The following ERCC5 variants were observed in gnomAD, a reference collection of about 807,000 sequenced individuals.
ERCC5 encodes DNA excision repair protein ERCC-5.
A neutral mutation model predicts 105.6 loss-of-function variants in ERCC5; 68 were observed. The observed-to-expected ratio is 0.64, with a 90% CI of 0.53 to 0.79. The LOEUF (loss-of-function observed/expected upper bound fraction) is 0.79. Ranked by LOEUF, ERCC5 falls within the 30% of genes least tolerant of loss-of-function variation. The pLI, the probability that ERCC5 is intolerant of heterozygous loss-of-function variation, is 0.00. For missense variants in ERCC5, 1,373 were observed against 1,426.7 expected, an observed-to-expected ratio of 0.96 and a Z score of 0.61; for synonymous variants, 546 against 526.2, an observed-to-expected ratio of 1.04 and a Z score of -0.51.
chr13:102,868,168 C>T lies in ERCC5; in HGVS notation c.2589C>T (p.Thr863=), dbSNP rs369464789. ...NLAYLLGSDY[T]EGIPTVGCVT... ...CTTATTTGCTTGGAAGTGATTATAC[C>T]GAAGGAATACCAACTGTGGGTTGTG... Residue 863 remains threonine, a synonymous_variant, in exon 12 of 15, where the codon ACC becomes ACT. Transcript: ENST00000652225. The T allele has an allele frequency of 7.5e-5, 121 of 1,614,024 alleles. No homozygotes were observed. The highest frequency in any genetic ancestry group is 9.3e-5 in the African/African-American group (7 of 74,982).
At chr13:102,854,011 C>T (rs1882303960) in intron 3 of ERCC5, 139 bp downstream of exon 3, 1 of 729,392 alleles carries the variant, frequency 1.4e-6, no homozygotes, top group Non-Finnish European at 2.1e-6. Flanking sequence ...AGTAGGCTGC[C>T]ATTTTGACCT....
chr13:102,851,769 T>C (rs1882214772), intron 1 of ERCC5, among the ~76,000 whole-genome samples: 1 of 152,244 alleles, frequency 6.6e-6, no homozygotes, highest in Non-Finnish European at 1.5e-5. Flanking sequence ...TTTTTTTCAC[T>C]ATGAATTGTC....
rs1319351243 is a variant in ERCC5 at position 102,862,232 on chromosome 13, G to A, written c.1083G>A (p.Leu361=). 1.2e-5 allele frequency: 19 copies of A among 1,614,044 alleles called. No individual in the cohort carries two copies. The highest frequency in any genetic ancestry group is 1.5e-5 in the Non-Finnish European group (18 of 1,180,062). ...TGGGAAGTAGCTCAGAAGAGGAGCT[G>A]GAGAGTGAAAATCGAAGGCAGGCCC... ...ALLGSSSEEE[L]ESENRRQARG... Residue 361 remains leucine, a synonymous_variant, in exon 8 of 15, where the codon CTG becomes CTA. Coordinates refer to ENST00000652225, the MANE Select transcript of ERCC5 (RefSeq NM_000123.4).
intron 7 of ERCC5, 72 bp downstream of exon 7, chr13:102,861,786 C>G: frequency 6.4e-7 from 1 of 1,550,530 alleles, no homozygotes. Flanking sequence ...ATTCTATAAA[C>G]TAGCACCCCT....
At chr13:102,850,298 C>G (rs1440948005) in intron 1 of ERCC5, among the ~76,000 whole-genome samples, 1 of 152,062 alleles carries the variant, frequency 6.6e-6, no homozygotes, top group African/African-American at 2.4e-5. Flanking sequence ...GACCCCTGGA[C>G]TGAGACCTTA....
intron 6 of ERCC5, among the ~76,000 whole-genome samples, chr13:102,859,245 C>T (rs1420390949): frequency 6.6e-6 from 1 of 152,252 alleles, no homozygotes; most frequent in Non-Finnish European, 1.5e-5. Flanking sequence ...AATTTTGCAG[C>T]ATCATCGACC....
intron 6 of ERCC5, among the ~76,000 whole-genome samples, chr13:102,859,961 A>T (rs1378049737): frequency 1.3e-5 from 2 of 152,348 alleles, no homozygotes; most frequent in Admixed American, 1.3e-4. Context: ...CATTCTGAGT[A>T]GAGTGATGAA....
rs377045666 is a variant in ERCC5, at chr13:102,865,925, A to G, written c.2199+14A>G. 2.8e-4 allele frequency: 449 copies of G among 1,613,972 alleles called. No individual in the cohort carries two copies. The highest frequency in any genetic ancestry group is 3.5e-4 in the Non-Finnish European group (417 of 1,180,036). ...GATATTAATTTGGTAATACCGTAAC[A>G]TTGTGTTTCGACTTCTTGCTGAGGA... On this transcript the variant is annotated intron_variant, in intron 9 of 14. Transcript: ENST00000652225. The surrounding 1 kb of genome is among the most constrained non-coding windows in gnomAD (Gnocchi z 4.0).
intron 1 of ERCC5, among the ~76,000 whole-genome samples, chr13:102,849,725 G>A (rs1882125917): frequency 6.6e-6 from 1 of 152,160 alleles, no homozygotes; most frequent in Admixed American, 6.5e-5. Context: ...AAGCCATGGA[G>A]CACACAGGCT....
chr13:102,874,715 G>C (rs551882562), intron 14 of ERCC5: 1 of 152,656 alleles, frequency 6.6e-6, no homozygotes, highest in Non-Finnish European at 1.5e-5. Context: ...AGTAGAGACG[G>C]GGTTTCACCG....
chr13:102,854,570 A>G (rs1045991332), intron 4 of ERCC5, among the ~76,000 whole-genome samples, 196 bp downstream of exon 4: 2 of 152,196 alleles, frequency 1.3e-5, no homozygotes, highest in Admixed American at 1.3e-4. Context: ...TTGGTGATTC[A>G]TGATTCTTAT....
intron 11 of ERCC5, among the ~76,000 whole-genome samples, chr13:102,867,870 G>A (rs1219254207): frequency 1.3e-5 from 2 of 152,180 alleles, no homozygotes; most frequent in African/African-American, 4.8e-5. Context: ...GAGAGACTCA[G>A]GCTAGATAGC....
chr13:102,854,212 G>T, intron 3 of ERCC5, 76 bp from the exon 4 acceptor site: 1 of 1,488,258 alleles, frequency 6.7e-7, no homozygotes, highest in South Asian at 1.1e-5. Context: ...TGGCCTGAGA[G>T]CAGCCAGGTC....
chr13:102,866,734 A>G lies in ERCC5; in HGVS notation c.2422A>G (p.Thr808Ala), dbSNP rs1213217858. The change falls in exon 11 of 15, where the codon ACT becomes GCT. Residue 808 changes from threonine to alanine, a missense_variant. Physicochemically the swap from Thr to Ala is moderately conservative, Grantham distance 58 (BLOSUM62 0). This residue lies in a region of ERCC5 where 1,004 missense variants were observed against 1,059.7 expected (regional missense o/e 0.95). Transcript: ENST00000652225. Reference protein sequence around the residue: ...DLTDQTSGTITDDSDIWLFGA... With the variant: ...DLTDQTSGTIADDSDIWLFGA... Reference sequence around the variant, plus strand: ...GACTGATCAGACTTCCGGAACCATCACTGATGACAGTGATATCTGGCTGTT... The same window carrying G: ...GACTGATCAGACTTCCGGAACCATCGCTGATGACAGTGATATCTGGCTGTT... 1 of 1,614,132 alleles carries G rather than the reference A, an allele frequency of 6.2e-7. No homozygotes were observed. Among genetic ancestry groups the G allele is most frequent in the East Asian group, 2.2e-5 (1 of 44,902 alleles).
chr13:102,853,465 T>A (rs1882280033), intron 2 of ERCC5, among the ~76,000 whole-genome samples: 1 of 152,252 alleles, frequency 6.6e-6, no homozygotes, highest in African/African-American at 2.4e-5. Flanking sequence ...TGGGAAGCAT[T>A]TAAGCTTTCC....
chr13:102,867,842 A>G lies in ERCC5; in HGVS notation c.2534-271A>G, dbSNP rs4150338. ...GGAGGTGTTGAGTTGATAGTTGAATATATGTGACTGTGGTTCAGAGAGACT... is the reference window on the plus strand; with the variant it reads ...GGAGGTGTTGAGTTGATAGTTGAATGTATGTGACTGTGGTTCAGAGAGACT... On this transcript the variant is annotated intron_variant, in intron 11 of 14. Transcript: ENST00000652225. Among the ~76,000 whole-genome samples, 3,409 of 152,286 alleles carry G rather than the reference A, an allele frequency of 0.022. 110 individuals are homozygous for G. The highest frequency in any genetic ancestry group is 0.077 in the African/African-American group (3,192 of 41,540).
chr13:102,867,621 G>T (rs1253622992), intron 11 of ERCC5, among the ~76,000 whole-genome samples: 2 of 152,194 alleles, frequency 1.3e-5, no homozygotes, highest in African/African-American at 4.8e-5. Flanking sequence ...ACCCACCAGG[G>T]TCTGGTGTGC....
chr13:102,856,159 T>A lies in ERCC5; in HGVS notation c.528+47T>A. Reference sequence around the variant, plus strand: ...TCAGAATGTATTCTGTTATTTGAAATGAATGACATGAAAATGAATATTAAT... The same window carrying A: ...TCAGAATGTATTCTGTTATTTGAAAAGAATGACATGAAAATGAATATTAAT... On this transcript the variant is annotated intron_variant, in intron 5 of 14. Transcript: ENST00000652225. 1.9e-6 allele frequency: 3 copies of A among 1,561,156 alleles called. No homozygotes were observed. In the South Asian group the frequency reaches 3.3e-5, roughly 17 times the overall value.
chr13:102,849,462 G>C (rs756886779), intron 1 of ERCC5: 5 of 518,540 alleles, frequency 9.6e-6, no homozygotes, highest in South Asian at 7.0e-5. Context: ...CTAGGGTCTT[G>C]GATATGCCTG....
Sources: gnomAD v4.1 joint callset for allele counts (sites outside exome capture counted in the v4.1 genomes callset) on GRCh38, gnomAD v4.1.1 for gene constraint, gnomAD v4.1.1 regional missense constraint, Gnocchi (gnomAD v3.1) non-coding constraint, MANE v1.5 for transcripts, NCBI Gene and HGNC (gene_info 2026-07-23, HGNC 2026-07-21) for gene names.